The following SMARCA2 variants were observed in gnomAD, a reference collection of about 807,000 sequenced individuals.
The protein encoded by SMARCA2 is SWI/SNF related BAF chromatin remodeling complex subunit ATPase 2.
Under a neutral mutation model 199.8 loss-of-function variants are expected in SMARCA2, and 61 were observed. That is an observed-to-expected ratio of 0.31 (90% CI 0.25 to 0.38). SMARCA2 has a LOEUF of 0.38. Among genes scored for constraint, SMARCA2 ranks in the 10% least tolerant of loss-of-function variants. SMARCA2 has a pLI of 1.00. For synonymous variants in SMARCA2, 935 were observed against 732.0 expected (o/e 1.28, Z -4.48); for missense variants, 1,344 against 2,012.2 (o/e 0.67, Z 6.35).
Position 2,087,268 on chromosome 9 carries a change from C to T in SMARCA2, c.2769+197C>T, listed in dbSNP as rs1254673532. On this transcript the variant is annotated intron_variant, in intron 18 of 33. Coordinates refer to ENST00000349721, the MANE Select transcript of SMARCA2 (RefSeq NM_003070.5). ...TCCTAGGAAAATGGATCTAGTGGTACATGGGGCATCTAACCCCTTTGTCTT... is the reference window on the plus strand; with the variant it reads ...TCCTAGGAAAATGGATCTAGTGGTATATGGGGCATCTAACCCCTTTGTCTT... 4 of 617,704 alleles carry T rather than the reference C, an allele frequency of 6.5e-6. 1 individual carries two copies. Among genetic ancestry groups the T allele is most frequent in the Non-Finnish European group, 1.1e-5 (4 of 358,292 alleles). 38.3% of individuals were successfully genotyped at this position (617,704 alleles called of 1,614,324 possible).
chr9:2,184,475 C>G (rs1007499991), intron 31 of SMARCA2, among the ~76,000 whole-genome samples: 2 of 151,334 alleles, frequency 1.3e-5, no homozygotes, highest in Admixed American at 1.3e-4. Flanking sequence ...GCCTCACCCT[C>G]CCAAGTAGCT....
Position 2,056,939 on chromosome 9 carries a change from T to TG in SMARCA2, c.1347+95dup. 1 of 1,133,542 alleles carries TG rather than the reference T, an allele frequency of 8.8e-7. No homozygotes were observed. 70.2% of individuals were successfully genotyped at this position (1,133,542 alleles called of 1,614,324 possible). On this transcript the variant is annotated intron_variant, in intron 7 of 33. Transcript: ENST00000349721. The surrounding 1 kb of genome is among the most constrained non-coding windows in gnomAD (Gnocchi z 4.0). Reference sequence around the variant, plus strand: ...TCAGAATGACTGAAAAATGGACCCTTGTGGGTGGTGGGGACATCACAGAAC... The same window carrying TG: ...TCAGAATGACTGAAAAATGGACCCTTGGTGGGTGGTGGGGACATCACAGAAC...
chr9:2,093,989 A>G (rs1271931280), intron 19 of SMARCA2, among the ~76,000 whole-genome samples: 4 of 152,246 alleles, frequency 2.6e-5, no homozygotes, highest in African/African-American at 9.6e-5. Flanking sequence ...AAAAAAGCTT[A>G]CTGACAAACT....
At chr9:2,151,065 C>T (rs7858396) in intron 27 of SMARCA2, among the ~76,000 whole-genome samples, 121,988 of 150,918 alleles carry the variant, frequency 0.81, 50,058 homozygotes, top group Middle Eastern at 0.85. Flanking sequence ...ATAGCAATTC[C>T]GAGTCACTGC....
intron 4 of SMARCA2, chr9:2,042,743 C>T (rs1343405366): frequency 2.0e-5 from 3 of 151,728 alleles, no homozygotes; most frequent in African/African-American, 4.8e-5. Flanking sequence ...CTTTATTACT[C>T]ACTGCTCATG....
intron 17 of SMARCA2, among the ~76,000 whole-genome samples, 174 bp downstream of exon 17, chr9:2,084,370 C>CTGTGTGTGTGTGTG (rs3057851): frequency 2.3e-4 from 30 of 132,424 alleles, no homozygotes; most frequent in African/African-American, 7.6e-4. Context: ...TTCATGCATG[C>CTGTGTGTGTGTGTG]TGTGTGTGTG....
At chr9:2,070,801 G>T (rs1821056739) in intron 10 of SMARCA2, among the ~76,000 whole-genome samples, 1 of 152,108 alleles carries the variant, frequency 6.6e-6, no homozygotes, top group Non-Finnish European at 1.5e-5. Flanking sequence ...CCCAATAAAT[G>T]ATACAGAAGC....
At position 2,079,495 on chromosome 9, in the gene SMARCA2, A is replaced by G. The variant is rs528263081; in HGVS notation, c.2184+1719A>G. On this transcript the variant is annotated intron_variant, in intron 14 of 33. Coordinates refer to ENST00000349721, the MANE Select transcript of SMARCA2 (RefSeq NM_003070.5). ...TGGTGCTGAAGCACTAGCAGTTTTT[A>G]CCTACCAATGCTTTTGCATCATCAG... 4.6e-5 allele frequency among the ~76,000 whole-genome samples: 7 copies of G among 152,276 alleles called. No individual in the cohort carries two copies. In the South Asian group the frequency reaches 1.5e-3, roughly 32 times the overall value.
chr9:2,167,533 A>G (rs372954371), intron 28 of SMARCA2, among the ~76,000 whole-genome samples: 1 of 152,308 alleles, frequency 6.6e-6, no homozygotes, highest in East Asian at 1.9e-4. Flanking sequence ...TGGTCAGTCC[A>G]ATTGGTGAAC....
At chr9:2,076,385 A>C in intron 13 of SMARCA2, 56 bp downstream of exon 13, 1 of 1,130,432 alleles carries the variant, frequency 8.8e-7, no homozygotes, top group Admixed American at 1.7e-5. Context: ...TGCTTAATGA[A>C]TTTTCTTTTA....
chr9:2,040,625 A>G (rs3793481), intron 4 of SMARCA2: 1 of 152,158 alleles, frequency 6.6e-6, no homozygotes, highest in African/African-American at 2.4e-5. Flanking sequence ...CCCAGGTGAG[A>G]TTATTTTTTA....
At chr9:2,178,761 T>C (rs1826802397) in intron 29 of SMARCA2, among the ~76,000 whole-genome samples, 3 of 152,134 alleles carry the variant, frequency 2.0e-5, no homozygotes, top group South Asian at 2.1e-4. Context: ...AAAAAATAAA[T>C]TACTCCAGCA....
intron 28 of SMARCA2, among the ~76,000 whole-genome samples, chr9:2,166,592 C>A (rs140845965): frequency 5.1e-4 from 77 of 152,272 alleles, no homozygotes; most frequent in African/African-American, 1.8e-3. Context: ...GATGCTGTAC[C>A]TCTAAATTTT....
intron 1 of SMARCA2, among the ~76,000 whole-genome samples, chr9:2,024,264 T>C (rs182565765): frequency 2.0e-5 from 3 of 152,326 alleles, no homozygotes; most frequent in Non-Finnish European, 1.5e-5. Flanking sequence ...ACCTAATTCC[T>C]TTCTCTCCTG....
intron 24 of SMARCA2, among the ~76,000 whole-genome samples, chr9:2,111,193 A>C (rs573492962): frequency 6.6e-6 from 1 of 152,112 alleles, no homozygotes; most frequent in Non-Finnish European, 1.5e-5. Flanking sequence ...AATTCAAAAC[A>C]GTAAAAATGA....
rs1822959377 is a variant in SMARCA2 at position 2,110,816 on chromosome 9, A to G, written c.3456+399A>G. On this transcript the variant is annotated intron_variant, in intron 24 of 33. Coordinates refer to ENST00000349721, the MANE Select transcript of SMARCA2 (RefSeq NM_003070.5). This position sits in a 1 kb window ranked among gnomAD's most constrained non-coding sequence, Gnocchi z 4.8. ...CATTTTTTCATTCAGTTTTACGACA[A>G]CCCTGTCAGACGGTTAATATGATTT... is the stretch of plus-strand genomic sequence containing the variant. 2.6e-5 allele frequency among the ~76,000 whole-genome samples: 4 copies of G among 152,308 alleles called. No homozygotes were observed. The highest frequency in any genetic ancestry group is 9.6e-5 in the African/African-American group (4 of 41,566).
intron 27 of SMARCA2, among the ~76,000 whole-genome samples, chr9:2,129,347 G>A (rs1823837632): frequency 6.6e-6 from 1 of 152,162 alleles, no homozygotes; most frequent in African/African-American, 2.4e-5. Context: ...GAACCCGGGA[G>A]GCAGAGGTTA....
chr9:2,189,467 T>C (rs1309103512), intron 32 of SMARCA2, among the ~76,000 whole-genome samples: 2 of 152,138 alleles, frequency 1.3e-5, no homozygotes, highest in African/African-American at 4.8e-5. Context: ...TCATTTCCTA[T>C]ACTCCTGTGT....
rs373908912 is a variant in SMARCA2, at chr9:2,110,456, G to C, written c.3456+39G>C. On this transcript the variant is annotated intron_variant, in intron 24 of 33. Coordinates refer to ENST00000349721, the MANE Select transcript of SMARCA2 (RefSeq NM_003070.5). This position sits in a 1 kb window ranked among gnomAD's most constrained non-coding sequence, Gnocchi z 4.8. ...ACTCAGGTGCCCAGGCCTCCCTCTG[G>C]AGAGCAACTAAAAGATGATCAGTTT... is the stretch of plus-strand genomic sequence containing the variant. 7.4e-6 allele frequency: 11 copies of C among 1,485,858 alleles called. No individual in the cohort carries two copies. The African/African-American group carries it at 1.4e-4, about 19-fold the overall frequency. The allele number at this position is 1,485,858 out of a possible 1,614,324, so 92.0% of individuals were successfully genotyped here. A position where few individuals can be genotyped will look rare whatever the true frequency, so the allele number is the denominator to read the frequency against.
Sources: gnomAD v4.1 joint callset for allele counts (sites outside exome capture counted in the v4.1 genomes callset) on GRCh38, gnomAD v4.1.1 for gene constraint, Gnocchi (gnomAD v3.1) non-coding constraint, MANE v1.5 for transcripts, NCBI Gene and HGNC (gene_info 2026-07-23, HGNC 2026-07-21) for gene names.